UGCG: variants seen among roughly 807,000 people sequenced by gnomAD.
UGCG encodes UDP-glucose ceramide glucosyltransferase.
Under a neutral mutation model 49.5 loss-of-function variants are expected in UGCG, and 10 were observed. The observed-to-expected ratio is 0.20, with a 90% CI of 0.12 to 0.34. The LOEUF is 0.34. UGCG is among the 10% of genes least tolerant of loss of function. The pLI is 1.00. For missense variants in UGCG, 312 were observed against 483.7 expected, an observed-to-expected ratio of 0.65 and a Z score of 3.33; for synonymous variants, 182 against 158.2, an observed-to-expected ratio of 1.15 and a Z score of -1.13.
In UGCG at chr9:111,900,472, GTA is replaced by G. The variant is rs896614538; in HGVS notation, c.98+3163_98+3164del. Among the ~76,000 whole-genome samples, 143 of 83,266 alleles carry G rather than the reference GTA, an allele frequency of 1.7e-3. 2 individuals are homozygous for G. Among genetic ancestry groups the G allele is most frequent in the African/African-American group, 1.5e-3 (26 of 17,810 alleles). 54.6% of individuals were successfully genotyped at this position (83,266 alleles called of 152,430 possible). On this transcript the variant is annotated intron_variant, in intron 1 of 8. Coordinates refer to ENST00000374279, the MANE Select transcript of UGCG (RefSeq NM_003358.3). ...TCCTTTTTTACCTGGAGGTGTATAT[GTA>G]TATGTGTGTGTGTGTGTGTGTGTGT... is the stretch of plus-strand genomic sequence containing the variant.
rs1158766817 is a variant in UGCG at position 111,926,289 on chromosome 9, A to G, written c.446-95A>G. The G allele has an allele frequency of 1.0e-5, 7 of 690,920 alleles. No homozygotes were observed. The Admixed American group carries it at 1.6e-4, about 16-fold the overall frequency. 42.8% of individuals were successfully genotyped at this position (690,920 alleles called of 1,614,324 possible). The stretch of plus-strand genomic sequence containing the variant: ...AAATAATGTATTTTATTAAGAATGT[A>G]ATAACAATTCACAAAATATATTTTA... On this transcript the variant is annotated intron_variant, in intron 4 of 8. Coordinates refer to ENST00000374279, the MANE Select transcript of UGCG (RefSeq NM_003358.3).
chr9:111,927,731 G>A (rs566547693), intron 5 of UGCG, among the ~76,000 whole-genome samples: 4 of 152,290 alleles, frequency 2.6e-5, no homozygotes, highest in South Asian at 2.1e-4. Flanking sequence ...GATTACAGGC[G>A]TGAGCCACCA....
At chr9:111,898,033 G>A (rs777780502) in intron 1 of UGCG, among the ~76,000 whole-genome samples, 11 of 148,024 alleles carry the variant, frequency 7.4e-5, no homozygotes, top group Non-Finnish European at 1.6e-4. Context: ...AGGGGACATG[G>A]TGGTGAGCAG....
At chr9:111,910,010 T>C (rs1399264983) in intron 1 of UGCG, among the ~76,000 whole-genome samples, 1 of 152,236 alleles carries the variant, frequency 6.6e-6, no homozygotes, top group Non-Finnish European at 1.5e-5. Flanking sequence ...CAATTCTCTT[T>C]ATCCATAAAC....
chr9:111,930,325 T>C (rs1838402865), intron 6 of UGCG, among the ~76,000 whole-genome samples: 1 of 152,220 alleles, frequency 6.6e-6, no homozygotes, highest in Admixed American at 6.5e-5. Flanking sequence ...AGTGCAGTCA[T>C]AAACTAGTAG....
rs112582776 is a variant in UGCG, at chr9:111,922,872, A to G, written c.264A>G (p.Gln88=). The part of the protein sequence containing the change: ...YPKYEVLLCV[Q]DHDDPAIDVC... ...AGTATGAAGTGCTCCTTTGTGTACA[A>G]GATCATGATGATCCAGCCATTGATG... Residue 88 remains glutamine, a synonymous_variant, in exon 3 of 9, where the codon CAA becomes CAG. Coordinates refer to ENST00000374279, the MANE Select transcript of UGCG (RefSeq NM_003358.3). The G allele has an allele frequency of 1.9e-6, 3 of 1,612,720 alleles. No individual in the cohort carries two copies.
At position 111,935,082 on chromosome 9, in the gene UGCG, A is replaced by ATATAAACTGTG. The variant is rs1012218750; in HGVS notation, c.*2093_*2094insGTGTATAAACT. ...TGGACAGACTTCTTGTGTTTTGTAA[A>ATATAAACTGTG]TATAAACTAGGACAGTTCTGTAGGT... is the stretch of plus-strand genomic sequence containing the variant. On this transcript the variant is annotated 3_prime_UTR_variant, in exon 9 of 9. Coordinates refer to ENST00000374279, the MANE Select transcript of UGCG (RefSeq NM_003358.3). 2.0e-5 allele frequency: 3 copies of ATATAAACTGTG among 152,236 alleles called. No homozygotes were observed. The highest frequency in any genetic ancestry group is 7.2e-5 in the African/African-American group (3 of 41,460). The allele number at this position is 152,236 out of a possible 1,614,324, so 9.4% of individuals were successfully genotyped here.
intron 8 of UGCG, 146 bp from the exon 9 acceptor site, chr9:111,932,676 AACGGT>A: frequency 1.4e-6 from 1 of 696,826 alleles, no homozygotes; most frequent in Non-Finnish European, 2.3e-6. Context: ...CATTTTCTTG[AACGGT>A]ATAACATGGC....
chr9:111,924,946 A>C, intron 4 of UGCG, 68 bp downstream of exon 4: 1 of 912,904 alleles, frequency 1.1e-6, no homozygotes, highest in Non-Finnish European at 1.5e-6. Context: ...AAGCAATCTC[A>C]GATACATTCA....
intron 6 of UGCG, 38 bp from the exon 7 acceptor site, chr9:111,931,233 A>G (rs1838419435): frequency 6.3e-7 from 1 of 1,592,964 alleles, no homozygotes; most frequent in African/African-American, 1.3e-5. Flanking sequence ...GCATGTGTTC[A>G]TCATCATAAC....
chr9:111,916,972 C>T (rs1838124042), intron 2 of UGCG, among the ~76,000 whole-genome samples: 1 of 151,244 alleles, frequency 6.6e-6, no homozygotes, highest in Non-Finnish European at 1.5e-5. Flanking sequence ...CAGTGAGACC[C>T]CCACCTTCAA....
intron 1 of UGCG, among the ~76,000 whole-genome samples, chr9:111,903,286 AG>A (rs1837812283): frequency 6.6e-6 from 1 of 151,946 alleles, no homozygotes; most frequent in Admixed American, 6.6e-5. Context: ...TGAGACAGAC[AG>A]GGCGTGGTGG....
chr9:111,912,769 T>G (rs1383533669), intron 1 of UGCG, among the ~76,000 whole-genome samples: 1 of 152,138 alleles, frequency 6.6e-6, no homozygotes, highest in Non-Finnish European at 1.5e-5. Context: ...AGACCACACT[T>G]TGAGTAGCAC....
At chr9:111,919,985 T>A (rs1838191329) in intron 2 of UGCG, among the ~76,000 whole-genome samples, 2 of 152,130 alleles carry the variant, frequency 1.3e-5, no homozygotes, top group African/African-American at 4.8e-5. Context: ...AATATTGTTT[T>A]GAGAGTCTGG....
At chr9:111,901,466 C>G (rs965965650) in intron 1 of UGCG, among the ~76,000 whole-genome samples, 143 of 152,238 alleles carry the variant, frequency 9.4e-4, no homozygotes, top group African/African-American at 3.2e-3. Flanking sequence ...CAATTCAGCC[C>G]CTTTAACCTG....
At position 111,914,807 on chromosome 9, in the gene UGCG, A is replaced by T; in HGVS notation, c.240+61A>T. ...TTTTGTTTTGTTCCCCTCATGATAA[A>T]CATTTAGGGATTTTAACACTGTATA... On this transcript the variant is annotated intron_variant, in intron 2 of 8. Coordinates refer to ENST00000374279, the MANE Select transcript of UGCG (RefSeq NM_003358.3). The T allele has an allele frequency of 2.5e-6, 4 of 1,597,410 alleles. No homozygotes were observed. In the South Asian group the frequency reaches 4.5e-5, roughly 18 times the overall value.
At chr9:111,903,232 A>G (rs1385472243) in intron 1 of UGCG, among the ~76,000 whole-genome samples, 2 of 152,192 alleles carry the variant, frequency 1.3e-5, no homozygotes, top group African/African-American at 4.8e-5. Context: ...CCTCTTGCAA[A>G]AGCCAAATTT....
At chr9:111,920,136 T>C (rs1175165442) in intron 2 of UGCG, among the ~76,000 whole-genome samples, 2 of 152,152 alleles carry the variant, frequency 1.3e-5, no homozygotes, top group African/African-American at 2.4e-5. Context: ...TTGGTTTCAG[T>C]ACCTCTTGAG....
At chr9:111,907,213 A>G (rs1201676400) in intron 1 of UGCG, among the ~76,000 whole-genome samples, 1 of 152,238 alleles carries the variant, frequency 6.6e-6, no homozygotes, top group Non-Finnish European at 1.5e-5. Context: ...AAAGTGTTCC[A>G]AACATACTTT....
Sources: allele counts gnomAD v4.1 joint callset (sites outside exome capture counted in the v4.1 genomes callset), GRCh38; gene constraint gnomAD v4.1.1; transcripts MANE v1.5; gene names NCBI Gene and HGNC (gene_info 2026-07-23, HGNC 2026-07-21).